Variants in FOXP4 observed in about 807,000 individuals in gnomAD.
FOXP4 encodes the protein forkhead box P4.
In FOXP4, 25 loss-of-function variants were observed where a neutral mutation model predicts 82.6. That is an observed-to-expected ratio of 0.30 (90% CI 0.22 to 0.42). FOXP4 has a LOEUF of 0.42. Among genes scored for constraint, FOXP4 ranks in the 10% least tolerant of loss-of-function variants. The pLI, the probability that FOXP4 is intolerant of heterozygous loss-of-function variation, is 1.00. For synonymous variants in FOXP4, 415 were observed against 388.2 expected (o/e 1.07, Z -0.81); for missense variants, 785 against 900.9 (o/e 0.87, Z 1.65).
intron 5 of FOXP4, among the ~76,000 whole-genome samples, chr6:41,586,297 C>G (rs934031238): frequency 1.3e-5 from 2 of 152,200 alleles, no homozygotes; most frequent in Non-Finnish European, 2.9e-5. Flanking sequence ...TTCCCACCCC[C>G]AGCAGGCAGG....
chr6:41,576,097 G>A (rs978215760), intron 2 of FOXP4, among the ~76,000 whole-genome samples: 1 of 145,444 alleles, frequency 6.9e-6, no homozygotes, highest in East Asian at 2.2e-4. Context: ...TTTTGACTTA[G>A]AAAGGTCAGA....
intron 13 of FOXP4, 103 bp from the exon 14 acceptor site, chr6:41,594,767 A>G: frequency 6.6e-7 from 1 of 1,524,514 alleles, no homozygotes; most frequent in Non-Finnish European, 8.9e-7. Flanking sequence ...TGAGCTGGGG[A>G]AGGTGGGCCG....
At chr6:41,562,224 A>G (rs1253126713) in intron 1 of FOXP4, among the ~76,000 whole-genome samples, 1 of 152,056 alleles carries the variant, frequency 6.6e-6, no homozygotes, top group African/African-American at 2.4e-5. Flanking sequence ...TTTGGGGGGT[A>G]TGTTGTTAGG....
At chr6:41,592,275 G>A (rs2127401116) in intron 13 of FOXP4, among the ~76,000 whole-genome samples, 1 of 152,334 alleles carries the variant, frequency 6.6e-6, no homozygotes, top group East Asian at 1.9e-4. Context: ...GGACTTGGTG[G>A]GGTCTGCACA....
In FOXP4 at chr6:41,600,439, CAT is replaced by C. The variant is rs1199248008; in HGVS notation, c.*1505_*1506del. Reference sequence around the variant, plus strand: ...CCAAGGACTGGGCGTATCGGATGCTCATAACACCCCTGGCCTGGCCCCTTTAC... The same window carrying C: ...CCAAGGACTGGGCGTATCGGATGCTCAACACCCCTGGCCTGGCCCCTTTAC... On this transcript the variant is annotated 3_prime_UTR_variant, in exon 17 of 17. Coordinates refer to ENST00000307972, the MANE Select transcript of FOXP4 (RefSeq NM_001012426.2). The C allele has an allele frequency of 6.6e-6, 1 of 152,560 alleles. No individual in the cohort carries two copies. Among genetic ancestry groups the C allele is most frequent in the Non-Finnish European group, 1.5e-5 (1 of 68,092 alleles). The allele number at this position is 152,560 out of a possible 1,614,324, so 9.5% of individuals were successfully genotyped here. A position where few individuals can be genotyped will look rare whatever the true frequency, so the allele number is the denominator to read the frequency against.
chr6:41,569,755 C>T (rs969839810), intron 2 of FOXP4, among the ~76,000 whole-genome samples: 3 of 152,078 alleles, frequency 2.0e-5, no homozygotes, highest in East Asian at 1.9e-4. Context: ...GACAGGTCAG[C>T]GAGGGTCACG....
intron 1 of FOXP4, among the ~76,000 whole-genome samples, chr6:41,563,793 A>T (rs1385501059): frequency 1.3e-5 from 2 of 152,164 alleles, no homozygotes; most frequent in Non-Finnish European, 2.9e-5. Flanking sequence ...CAGGTTCCAC[A>T]TCCGTGGATT....
intron 3 of FOXP4, among the ~76,000 whole-genome samples, chr6:41,579,986 T>C (rs146218019): frequency 2.6e-5 from 4 of 152,034 alleles, no homozygotes; most frequent in East Asian, 3.9e-4. Flanking sequence ...TTGTCCAAAG[T>C]TATACAACAA....
chr6:41,582,862 C>A (rs144361372), intron 3 of FOXP4, among the ~76,000 whole-genome samples: 1 of 152,166 alleles, frequency 6.6e-6, no homozygotes, highest in African/African-American at 2.4e-5. Context: ...ACATTCTCTC[C>A]CTAACCCTTC....
At chr6:41,585,758 G>A (rs751998363) in intron 5 of FOXP4, among the ~76,000 whole-genome samples, 5 of 152,006 alleles carry the variant, frequency 3.3e-5, no homozygotes, top group African/African-American at 1.2e-4. Context: ...GTGCACATGG[G>A]TGTAGACAGG....
At chr6:41,549,770 G>A (rs1211263586) in intron 1 of FOXP4, among the ~76,000 whole-genome samples, 1 of 151,676 alleles carries the variant, frequency 6.6e-6, no homozygotes, top group African/African-American at 2.4e-5. Flanking sequence ...GGAACAGGGT[G>A]TCTGTTTCAG....
At chr6:41,560,943 C>G (rs1764541663) in intron 1 of FOXP4, among the ~76,000 whole-genome samples, 1 of 152,224 alleles carries the variant, frequency 6.6e-6, no homozygotes, top group Admixed American at 6.5e-5. Context: ...GCCCGTGGGT[C>G]CCCCCTTTGG....
At chr6:41,589,055 A>G (rs1766335252) in intron 9 of FOXP4, among the ~76,000 whole-genome samples, 1 of 152,256 alleles carries the variant, frequency 6.6e-6, no homozygotes, top group African/African-American at 2.4e-5. Flanking sequence ...TATATAGCTC[A>G]AGGAATCCTC....
chr6:41,546,540 C>G lies in FOXP4; in HGVS notation c.-344C>G, dbSNP rs1763623778. 1 of 148,276 alleles carries G rather than the reference C, an allele frequency of 6.7e-6. No individual in the cohort carries two copies. The highest frequency in any genetic ancestry group is 1.5e-5 in the Non-Finnish European group (1 of 66,296). The allele number at this position is 148,276 out of a possible 1,614,324, so 9.2% of individuals were successfully genotyped here. Reference sequence around the variant, plus strand: ...CGGCGCGGCGGGGAGGAGCCCGGGCCGGAACCAGGGCTGGGCCGGGGGCGG... The same window carrying G: ...CGGCGCGGCGGGGAGGAGCCCGGGCGGGAACCAGGGCTGGGCCGGGGGCGG... On this transcript the variant is annotated 5_prime_UTR_variant, in exon 1 of 17. Transcript: ENST00000307972.
intron 1 of FOXP4, among the ~76,000 whole-genome samples, chr6:41,554,191 C>G (rs1486212632): frequency 6.6e-6 from 1 of 152,192 alleles, no homozygotes; most frequent in Non-Finnish European, 1.5e-5. Flanking sequence ...CTGACTTGCC[C>G]CGAGTCACAG....
intron 16 of FOXP4, 63 bp from the exon 17 acceptor site, chr6:41,598,726 G>A: frequency 2.6e-6 from 4 of 1,547,200 alleles, no homozygotes; most frequent in East Asian, 4.9e-5. Context: ...TGAGTTTGGG[G>A]GGCAGGGGGC....
intron 3 of FOXP4, among the ~76,000 whole-genome samples, chr6:41,581,212 G>A (rs1581756460): frequency 6.6e-6 from 1 of 152,258 alleles, no homozygotes; most frequent in South Asian, 2.1e-4. Flanking sequence ...ACCAAACTCT[G>A]GCCTGATCTC....
chr6:41,595,022 C>G (rs777135513), intron 14 of FOXP4, 31 bp downstream of exon 14: 1 of 1,613,280 alleles, frequency 6.2e-7, no homozygotes, highest in Non-Finnish European at 8.5e-7. Context: ...ATGGGCTGTA[C>G]CTGCCCAGGG....
intron 2 of FOXP4, among the ~76,000 whole-genome samples, chr6:41,575,550 TAGGGGGAGGAAGGGCCTGTCACAGGG>T (rs1390111867): frequency 7.3e-6 from 1 of 137,888 alleles, no homozygotes; most frequent in Non-Finnish European, 1.6e-5. Context: ...GTAGGGGGTG[TAGGGGGAGGAAGGGCCTGTCACAGGG>T]AGGGGGAGGT....
Sources: allele counts gnomAD v4.1 joint callset (sites outside exome capture counted in the v4.1 genomes callset), GRCh38; gene constraint gnomAD v4.1.1; transcripts MANE v1.5; gene names NCBI Gene and HGNC (gene_info 2026-07-23, HGNC 2026-07-21).